Variants in ZNF14 observed in about 807,000 individuals in gnomAD.
The protein encoded by ZNF14 is gonadotropin inducible transcription repressor-4.
Under a neutral mutation model 11.3 loss-of-function variants are expected in ZNF14, and 9 were observed. The observed-to-expected ratio is 0.80, with a 90% CI of 0.48 to 1.39. The LOEUF (loss-of-function observed/expected upper bound fraction) is 1.39, where lower values mean the gene tolerates loss of function less well. ZNF14 is among the 40% of genes most tolerant of loss of function. ZNF14 has a pLI of 0.00. For synonymous variants in ZNF14, 239 were observed against 245.7 expected, an observed-to-expected ratio of 0.97 and a Z score of 0.25; for missense variants, 711 against 763.9, an observed-to-expected ratio of 0.93 and a Z score of 0.82.
In ZNF14 at chr19:19,725,166, C is replaced by G. The variant is rs1356026020; in HGVS notation, c.3+7790G>C. 1.5e-5 allele frequency among the ~76,000 whole-genome samples: 2 copies of G among 133,724 alleles called. 1 individual carries two copies. Among genetic ancestry groups the G allele is most frequent in the African/African-American group, 5.5e-5 (2 of 36,068 alleles). 87.7% of individuals were successfully genotyped at this position (133,724 alleles called of 152,430 possible). A position where few individuals can be genotyped will look rare whatever the true frequency, so the allele number is the denominator to read the frequency against. On this transcript the variant is annotated intron_variant, in intron 1 of 3. Transcript: ENST00000344099. ...TGCTTGTTAGTTGATGCAGTTTCTT[C>G]CTAGCATCAACGGTCTTTACAATTT...
chr19:19,729,732 T>TA (rs925993527), intron 1 of ZNF14, among the ~76,000 whole-genome samples: 4 of 151,314 alleles, frequency 2.6e-5, no homozygotes, highest in Admixed American at 6.6e-5. Context: ...GAGAAACTTA[T>TA]AAAAAAAAAT....
intron 3 of ZNF14, among the ~76,000 whole-genome samples, chr19:19,713,748 CTTT>C (rs71172526): frequency 1.7e-5 from 2 of 120,186 alleles, no homozygotes; most frequent in Admixed American, 1.7e-4. Flanking sequence ...TGTGCCAGGC[CTTT>C]TTTTTTTTTT....
chr19:19,711,437 TA>T lies in ZNF14; in HGVS notation c.1843del (p.Tyr615MetfsTer91), dbSNP rs1599466732. On this transcript the variant is annotated frameshift_variant, in exon 4 of 4. Transcript: ENST00000344099. LOFTEE classifies it low-confidence loss of function (END_TRUNC). ...GGCTTTTCCACATTGTTTGCATTCATAAGGTTTCTCTCCAGTGTGAGACCTT... is the reference window on the plus strand; with the variant it reads ...GGCTTTTCCACATTGTTTGCATTCATAGGTTTCTCTCCAGTGTGAGACCTT... ...HERSHTGEKP[Y>X]ECKQCGKAFI... is the part of the protein sequence containing the mutation. 6.2e-7 allele frequency: 1 copy of T among 1,609,728 alleles called. No individual in the cohort carries two copies. Among genetic ancestry groups the T allele is most frequent in the African/African-American group, 1.3e-5 (1 of 74,734 alleles).
intron 1 of ZNF14, among the ~76,000 whole-genome samples, chr19:19,725,544 A>C (rs2062404236): frequency 7.5e-6 from 1 of 132,880 alleles, no homozygotes; most frequent in Non-Finnish European, 1.7e-5. Flanking sequence ...TGAATCTGAC[A>C]ATTATGTATC....
At position 19,733,089 on chromosome 19, in the gene ZNF14, G is replaced by A; in HGVS notation, c.-131C>T. The A allele has an allele frequency of 3.4e-6, 4 of 1,180,394 alleles. No individual in the cohort carries two copies. In the Admixed American group the frequency reaches 9.1e-5, roughly 27 times the overall value. The allele number at this position is 1,180,394 out of a possible 1,614,324, so 73.1% of individuals were successfully genotyped here. ...CAGGTGAAACGCAATCTTCCCATGG[G>A]CCAGGAATGGCGACGTCCGCACTGC... On this transcript the variant is annotated 5_prime_UTR_variant, in exon 1 of 4. Transcript: ENST00000344099.
intron 3 of ZNF14, among the ~76,000 whole-genome samples, chr19:19,713,853 G>A (rs569572412): frequency 6.6e-6 from 1 of 150,896 alleles, no homozygotes; most frequent in South Asian, 2.1e-4. Flanking sequence ...AAACTGCTGG[G>A]ATTACCTACA....
intron 1 of ZNF14, among the ~76,000 whole-genome samples, chr19:19,715,050 T>C (rs983378408): frequency 9.2e-5 from 14 of 152,152 alleles, no homozygotes; most frequent in African/African-American, 3.4e-4. Flanking sequence ...TGAAACCTTA[T>C]TGTTCTCTAA....
At position 19,712,721 on chromosome 19, in the gene ZNF14, T is replaced by C. The variant is rs765985470; in HGVS notation, c.560A>G (p.His187Arg). Residue 187 changes from histidine (H) to arginine (R), a missense_variant, in exon 4 of 4, where the codon CAT becomes CGT. Transcript: ENST00000344099. ...TTTCTGTCCAGCATGAGTCCTTTCA[T>C]GTCTTTGAAATGGCTGGTAATATAT... Reference protein sequence around the residue: ...AFIYYQPFQRHERTHAGQKPY... With the variant: ...AFIYYQPFQRRERTHAGQKPY... 17 of 1,613,368 alleles carry C rather than the reference T, an allele frequency of 1.1e-5. No individual in the cohort carries two copies. Among genetic ancestry groups the C allele is most frequent in the South Asian group, 8.8e-5 (8 of 90,904 alleles).
rs1221250902 is a variant in ZNF14, at chr19:19,712,681, CT to C, written c.599del (p.Lys200SerfsTer127). Reference protein sequence around the residue: ...THAGQKPYECKQCGKTFIYYQ... With the variant: ...THAGQKPYECXQCGKTFIYYQ... Reference sequence around the variant, plus strand: ...AATATATAAAGGTTTTTCCACATTGCTTACATTCATAGGGTTTCTGTCCAGC... The same window carrying C: ...AATATATAAAGGTTTTTCCACATTGCTACATTCATAGGGTTTCTGTCCAGC... On this transcript the variant is annotated frameshift_variant, in exon 4 of 4. Coordinates refer to ENST00000344099, the MANE Select transcript of ZNF14 (RefSeq NM_021030.3). LOFTEE classifies it low-confidence loss of function (END_TRUNC). 2 of 1,613,680 alleles carry C rather than the reference CT, an allele frequency of 1.2e-6. No individual in the cohort carries two copies. Among genetic ancestry groups the C allele is most frequent in the Admixed American group, 3.3e-5 (2 of 59,934 alleles).
chr19:19,719,997 G>A (rs2062388279), intron 1 of ZNF14, among the ~76,000 whole-genome samples: 1 of 152,174 alleles, frequency 6.6e-6, no homozygotes. Flanking sequence ...GGGGCATTAT[G>A]TAATAACAAA....
At chr19:19,726,871 G>A (rs1599472044) in intron 1 of ZNF14, among the ~76,000 whole-genome samples, 2 of 134,034 alleles carry the variant, frequency 1.5e-5, no homozygotes, top group East Asian at 4.2e-4. Context: ...CCGTGGGTGT[G>A]GGACCCTCCG....
At chr19:19,715,654 G>A (rs2062375873) in intron 1 of ZNF14, among the ~76,000 whole-genome samples, 1 of 152,206 alleles carries the variant, frequency 6.6e-6, no homozygotes, top group South Asian at 2.1e-4. Flanking sequence ...TGACCTTGCA[G>A]CTGCACAGCT....
chr19:19,713,156 G>A, intron 3 of ZNF14, 67 bp from the exon 4 acceptor site: 1 of 1,415,248 alleles, frequency 7.1e-7, no homozygotes, highest in Non-Finnish European at 9.5e-7. Context: ...GTAGGTATGA[G>A]AATTACATTT....
intron 1 of ZNF14, among the ~76,000 whole-genome samples, chr19:19,718,900 G>A (rs1199242559): frequency 6.6e-6 from 1 of 152,114 alleles, no homozygotes; most frequent in African/African-American, 2.4e-5. Flanking sequence ...GAGTAGCTGA[G>A]ATTACAGGTA....
intron 1 of ZNF14, among the ~76,000 whole-genome samples, chr19:19,729,875 T>C (rs906264846): frequency 1.3e-5 from 2 of 152,168 alleles, no homozygotes; most frequent in African/African-American, 4.8e-5. Flanking sequence ...TTTTTCAATA[T>C]AATTTACTAA....
In ZNF14 at chr19:19,712,419, A is replaced by C. The variant is rs1448708529; in HGVS notation, c.862T>G (p.Phe288Val). 6.2e-7 allele frequency: 1 copy of C among 1,610,048 alleles called. No individual in the cohort carries two copies. The highest frequency in any genetic ancestry group is 2.2e-5 in the East Asian group (1 of 44,818). Residue 288 changes from phenylalanine to valine, a missense_variant, in exon 4 of 4, where the codon TTC becomes GTC. Transcript: ENST00000344099. ...CTTCGAAAAGAACTGAGAAAACTGA[A>C]GGCTTTACCACATTCTTTACATTTG... ...PYKCKECGKA[F>V]SFLSSFRRHK...
chr19:19,730,129 T>C (rs2062419058), intron 1 of ZNF14, among the ~76,000 whole-genome samples: 1 of 152,210 alleles, frequency 6.6e-6, no homozygotes, highest in Non-Finnish European at 1.5e-5. Flanking sequence ...GCAATTCTAA[T>C]TCTCCTGCCT....
At chr19:19,730,328 G>A (rs542469293) in intron 1 of ZNF14, among the ~76,000 whole-genome samples, 4 of 151,958 alleles carry the variant, frequency 2.6e-5, no homozygotes, top group East Asian at 3.9e-4. Context: ...TGCCCAGCCC[G>A]CAGTTTTATT....
Position 19,733,056 on chromosome 19 carries a change from T to G in ZNF14, c.-98A>C. 5 of 1,493,128 alleles carry G rather than the reference T, an allele frequency of 3.3e-6. No homozygotes were observed. The highest frequency in any genetic ancestry group is 4.6e-6 in the Non-Finnish European group (5 of 1,094,380). 92.5% of individuals were successfully genotyped at this position (1,493,128 alleles called of 1,614,324 possible). A position where few individuals can be genotyped will look rare whatever the true frequency, so the allele number is the denominator to read the frequency against. Reference sequence around the variant, plus strand: ...GGATGCGCTAGAGCCACCTTCGGCCTTCAGGAGCAGGTGAAACGCAATCTT... The same window carrying G: ...GGATGCGCTAGAGCCACCTTCGGCCGTCAGGAGCAGGTGAAACGCAATCTT... On this transcript the variant is annotated 5_prime_UTR_variant, in exon 1 of 4. Transcript: ENST00000344099.
Sources: allele counts gnomAD v4.1 joint callset (sites outside exome capture counted in the v4.1 genomes callset), GRCh38; gene constraint gnomAD v4.1.1; transcripts MANE v1.5; gene names NCBI Gene and HGNC (gene_info 2026-07-23, HGNC 2026-07-21).